The following SV2B variants were observed in gnomAD, a reference collection of about 807,000 sequenced individuals.
SV2B encodes the protein solute carrier family 22 member B2.
A neutral mutation model predicts 73.9 loss-of-function variants in SV2B; 41 were observed. That is an observed-to-expected ratio of 0.56 (90% confidence interval 0.43 to 0.72). The LOEUF is 0.72. Ranked by LOEUF, SV2B falls within the 30% of genes least tolerant of loss-of-function variation. The pLI is 0.00. For missense variants in SV2B, 764 were observed against 857.8 expected (o/e 0.89, Z 1.37); for synonymous variants, 314 against 314.2 (o/e 1.00, Z 0.01).
At chr15:91,271,367 A>G (rs1034840588) in intron 9 of SV2B, among the ~76,000 whole-genome samples, 3 of 152,228 alleles carry the variant, frequency 2.0e-5, no homozygotes, top group Non-Finnish European at 2.9e-5. Context: ...GAAATTGCTA[A>G]TAATGGTAAC....
rs994604494 is a variant in SV2B at position 91,265,225 on chromosome 15, C to T, written c.1009-1357C>T. Among the ~76,000 whole-genome samples the T allele has an allele frequency of 2.0e-5, 3 of 152,160 alleles. No individual in the cohort carries two copies. Among genetic ancestry groups the T allele is most frequent in the African/African-American group, 4.8e-5 (2 of 41,458 alleles). ...TCACACTCTTAGTTGATGCCCATGC[C>T]GTGAGCTCTAGGTTTTACCAGCCCT... is the stretch of plus-strand genomic sequence containing the variant. On this transcript the variant is annotated intron_variant, in intron 6 of 12. Coordinates refer to ENST00000394232, the MANE Select transcript of SV2B (RefSeq NM_001323032.3). The surrounding 1 kb of genome is among the most constrained non-coding windows in gnomAD (Gnocchi z 4.2).
chr15:91,245,072 C>T lies in SV2B; in HGVS notation c.452-6747C>T, dbSNP rs533067841. 9.8e-5 allele frequency among the ~76,000 whole-genome samples: 15 copies of T among 152,324 alleles called. No individual in the cohort carries two copies. The South Asian group carries it at 1.4e-3, about 15-fold the overall frequency. ...CAGGGCCTCTTCTTTCTTGTCACCA[C>T]GGTAAGCCAGTGCGGTCTGATGGTA... On this transcript the variant is annotated intron_variant, in intron 2 of 12. Transcript: ENST00000394232. This position sits in a 1 kb window ranked among gnomAD's most constrained non-coding sequence, Gnocchi z 4.2.
chr15:91,256,458 C>T (rs200406202), intron 4 of SV2B, among the ~76,000 whole-genome samples: 2 of 152,184 alleles, frequency 1.3e-5, no homozygotes, highest in East Asian at 3.8e-4. Flanking sequence ...TGCCCCTCTT[C>T]CCTGGTTATC....
chr15:91,127,458 C>A (rs2042518863), intron 1 of SV2B, among the ~76,000 whole-genome samples: 1 of 151,968 alleles, frequency 6.6e-6, no homozygotes, highest in South Asian at 2.1e-4. Flanking sequence ...TTCTCCAAGC[C>A]CCCGCACTGA....
At position 91,260,227 on chromosome 15, in the gene SV2B, A is replaced by G. The variant is rs553300820; in HGVS notation, c.919-93A>G. ...ACCTGCTAGGAATGCTCGTATCAAC[A>G]TTCCCATTGAGTTTGTAGGATTTTC... On this transcript the variant is annotated intron_variant, in intron 5 of 12. Transcript: ENST00000394232. 8.1e-6 allele frequency: 9 copies of G among 1,108,468 alleles called. No individual in the cohort carries two copies. In the South Asian group the frequency reaches 1.2e-4, roughly 15 times the overall value. The allele number at this position is 1,108,468 out of a possible 1,614,324, so 68.7% of individuals were successfully genotyped here.
In SV2B at chr15:91,267,805, CTTT is replaced by C. The variant is rs56033749; in HGVS notation, c.1208+176_1208+178del. 2.1e-5 allele frequency among the ~76,000 whole-genome samples: 3 copies of C among 141,884 alleles called. No individual in the cohort carries two copies. Among genetic ancestry groups the C allele is most frequent in the Non-Finnish European group, 1.5e-5 (1 of 64,954 alleles). 93.1% of individuals were successfully genotyped at this position (141,884 alleles called of 152,430 possible). A position where few individuals can be genotyped will look rare whatever the true frequency, so the allele number is the denominator to read the frequency against. ...TCTAGTGGCTTCTACAAAGAAGAAA[CTTT>C]TTTTTTTTTTTTTGAGACAGAGTCT... is the stretch of plus-strand genomic sequence containing the variant. On this transcript the variant is annotated intron_variant, in intron 8 of 12. Coordinates refer to ENST00000394232, the MANE Select transcript of SV2B (RefSeq NM_001323032.3). The surrounding 1 kb of genome is among the most constrained non-coding windows in gnomAD (Gnocchi z 4.3).
chr15:91,248,179 G>A (rs2047322519), intron 2 of SV2B, among the ~76,000 whole-genome samples: 8 of 152,076 alleles, frequency 5.3e-5, no homozygotes, highest in Admixed American at 5.2e-4. Flanking sequence ...AAATTAGCCG[G>A]GCGTGGTGGT....
At position 91,284,045 on chromosome 15, in the gene SV2B, A is replaced by C. The variant is rs1447992030; in HGVS notation, c.1532A>C (p.Asn511Thr). The C allele has an allele frequency of 1.2e-6, 2 of 1,614,014 alleles. No homozygotes were observed. The highest frequency in any genetic ancestry group is 1.7e-5 in the Admixed American group (1 of 59,996). ...GACCTCTACGAGCACAAGTTCATCA[A>C]CTGTCGGTTTATCAACTCCACCTTC... is the stretch of plus-strand genomic sequence containing the variant. Reference protein sequence around the residue: ...NTDLYEHKFINCRFINSTFLE... With the variant: ...NTDLYEHKFITCRFINSTFLE... Residue 511 changes from asparagine (N) to threonine (T), a missense_variant, in exon 11 of 13, where the codon AAC becomes ACC. By Grantham distance (65) the Asn-to-Thr change is moderately conservative. Transcript: ENST00000394232. This position sits in a 1 kb window ranked among gnomAD's most constrained non-coding sequence, Gnocchi z 4.5.
Position 91,258,860 on chromosome 15 carries a change from G to C in SV2B, c.918+306G>C, listed in dbSNP as rs973030058. ...CCTGAGCTGCCTCATGGCACCCACT[G>C]TCCCCCGAGGTCCTGATTAGGAAGT... On this transcript the variant is annotated intron_variant, in intron 5 of 12. Transcript: ENST00000394232. This position sits in a 1 kb window ranked among gnomAD's most constrained non-coding sequence, Gnocchi z 4.7. Among the ~76,000 whole-genome samples the C allele has an allele frequency of 6.6e-6, 1 of 150,654 alleles. No individual in the cohort carries two copies. The highest frequency in any genetic ancestry group is 2.4e-5 in the African/African-American group (1 of 40,854).
chr15:91,166,073 C>T (rs1258851423), intron 1 of SV2B, among the ~76,000 whole-genome samples: 4 of 152,110 alleles, frequency 2.6e-5, no homozygotes, highest in Non-Finnish European at 1.5e-5. Context: ...GAGAAATCTG[C>T]AGTCATTTGA....
intron 1 of SV2B, among the ~76,000 whole-genome samples, chr15:91,148,746 T>C (rs2043220975): frequency 6.6e-6 from 1 of 152,186 alleles, no homozygotes; most frequent in South Asian, 2.1e-4. Flanking sequence ...CCAGGAGAGC[T>C]GATGGTGTAA....
At chr15:91,278,149 C>G (rs1466630885) in intron 9 of SV2B, among the ~76,000 whole-genome samples, 1 of 152,196 alleles carries the variant, frequency 6.6e-6, no homozygotes, top group African/African-American at 2.4e-5. Flanking sequence ...CCTAAGTCCA[C>G]TCTTTTATTT....
At chr15:91,254,969 C>T (rs72750207) in intron 4 of SV2B, among the ~76,000 whole-genome samples, 4,615 of 152,282 alleles carry the variant, frequency 0.03, 97 homozygotes, top group Non-Finnish European at 0.043. Flanking sequence ...CCTCAGCCAA[C>T]CACTATACAC....
chr15:91,118,948 G>A lies in SV2B; in HGVS notation c.-392+18585G>A, dbSNP rs866161542. ...CTGGTGAATGAGCTGTCTCGGCTTG[G>A]AGGCAGGGCCTGTGGGGGTGGGCGT... On this transcript the variant is annotated intron_variant, in intron 1 of 12. Transcript: ENST00000394232. This position sits in a 1 kb window ranked among gnomAD's most constrained non-coding sequence, Gnocchi z 4.7. Among the ~76,000 whole-genome samples the A allele has an allele frequency of 8.5e-5, 13 of 152,174 alleles. No individual in the cohort carries two copies. Among genetic ancestry groups the A allele is most frequent in the South Asian group, 2.1e-4 (1 of 4,830 alleles).
At chr15:91,114,903 C>T (rs963987288) in intron 1 of SV2B, among the ~76,000 whole-genome samples, 4 of 152,168 alleles carry the variant, frequency 2.6e-5, no homozygotes, top group Non-Finnish European at 4.4e-5. Context: ...GAAACACGTC[C>T]CAGGGTCTGA....
intron 1 of SV2B, among the ~76,000 whole-genome samples, chr15:91,158,297 T>G (rs2043559168): frequency 6.6e-6 from 1 of 152,190 alleles, no homozygotes; most frequent in Non-Finnish European, 1.5e-5. Context: ...GATGTGTGAC[T>G]TTGGGCAAGT....
chr15:91,212,826 T>C (rs527538478), intron 1 of SV2B, among the ~76,000 whole-genome samples: 32 of 150,010 alleles, frequency 2.1e-4, no homozygotes, highest in Middle Eastern at 3.5e-3. Flanking sequence ...AAGAAAAAAA[T>C]ATTTTAAAAA....
At chr15:91,120,318 C>T (rs1279015920) in intron 1 of SV2B, among the ~76,000 whole-genome samples, 2 of 152,176 alleles carry the variant, frequency 1.3e-5, no homozygotes, top group East Asian at 3.8e-4. Flanking sequence ...GGAAGTGCCA[C>T]ACACTTTTAA....
chr15:91,178,340 G>T, intron 1 of SV2B, among the ~76,000 whole-genome samples: 1 of 149,490 alleles, frequency 6.7e-6, no homozygotes, highest in Non-Finnish European at 1.5e-5. Flanking sequence ...CAAGGATATT[G>T]GTCTAAAATT....
Sources: gnomAD v4.1 joint callset for allele counts (sites outside exome capture counted in the v4.1 genomes callset) on GRCh38, gnomAD v4.1.1 for gene constraint, Gnocchi (gnomAD v3.1) non-coding constraint, MANE v1.5 for transcripts, NCBI Gene and HGNC (gene_info 2026-07-23, HGNC 2026-07-21) for gene names.